Variants in RUFY2 observed in about 807,000 individuals in gnomAD.
RUFY2 encodes RUN and FYVE domain-containing protein 2.
Under a neutral mutation model 94.4 loss-of-function variants are expected in RUFY2, and 49 were observed. The observed-to-expected ratio is 0.52, with a 90% CI of 0.41 to 0.66. The LOEUF (loss-of-function observed/expected upper bound fraction) is 0.66. Among genes scored for constraint, RUFY2 ranks in the 30% least tolerant of loss-of-function variants. RUFY2 has a pLI of 0.00. For missense variants in RUFY2, 541 were observed against 692.8 expected (o/e 0.78, Z 2.46); for synonymous variants, 255 against 235.7 (o/e 1.08, Z -0.75).
intron 3 of RUFY2, among the ~76,000 whole-genome samples, chr10:68,398,114 A>AC (rs2050533701): frequency 7.1e-6 from 1 of 140,512 alleles, no homozygotes; most frequent in African/African-American, 2.8e-5. Flanking sequence ...GCAACAAGGT[A>AC]AGATTTGTTC....
At position 68,379,459 on chromosome 10, in the gene RUFY2, A is replaced by G; in HGVS notation, c.1170T>C (p.Asn390=). The part of the protein sequence containing the change: ...EIIARLEEKT[N]KITAAMRQLE... ...GCTGCCTCATGGCTGCAGTAATTTT[A>G]TTGGTTTTTTCTTCTAGTCGGGCAA... Residue 390 remains asparagine (N), a synonymous_variant, in exon 12 of 18, where the codon AAT becomes AAC. Coordinates refer to ENST00000602465, the MANE Select transcript of RUFY2 (RefSeq NM_001330103.2). 1 of 1,612,826 alleles carries G rather than the reference A, an allele frequency of 6.2e-7. No homozygotes were observed. Among genetic ancestry groups the G allele is most frequent in the Non-Finnish European group, 8.5e-7 (1 of 1,179,568 alleles).
Position 68,396,821 on chromosome 10 carries a change from G to A in RUFY2, c.357C>T (p.Ala119=), listed in dbSNP as rs779088701. Reference sequence around the variant, plus strand: ...GAATAATTAAGCAACGTAAGTAATCGGCCATTTTTTTTTGCATGAGGGCTA... The same window carrying A: ...GAATAATTAAGCAACGTAAGTAATCAGCCATTTTTTTTTGCATGAGGGCTA... ...LRLALMQKKM[A]DYLRCLIIQR... The change falls in exon 4 of 18, where the codon GCC becomes GCT. Residue 119 remains alanine (A), a synonymous_variant. Coordinates refer to ENST00000602465, the MANE Select transcript of RUFY2 (RefSeq NM_001330103.2). The A allele has an allele frequency of 1.7e-5, 28 of 1,613,764 alleles. No homozygotes were observed. The South Asian group carries it at 1.8e-4, about 10-fold the overall frequency.
intron 6 of RUFY2, 150 bp from the exon 7 acceptor site, chr10:68,393,353 T>C (rs1013068779): frequency 1.9e-6 from 1 of 513,486 alleles, no homozygotes; most frequent in Non-Finnish European, 3.4e-6. Context: ...GTAAACTGTG[T>C]ACTAAGTATC....
chr10:68,384,572 T>C (rs1000813679), intron 8 of RUFY2, among the ~76,000 whole-genome samples: 1 of 152,288 alleles, frequency 6.6e-6, no homozygotes, highest in Non-Finnish European at 1.5e-5. Flanking sequence ...TGTGCTATCA[T>C]TGAAAATGTA....
intron 1 of RUFY2, among the ~76,000 whole-genome samples, chr10:68,406,510 G>C (rs550931222): frequency 6.6e-6 from 1 of 152,184 alleles, no homozygotes; most frequent in Non-Finnish European, 1.5e-5. Context: ...GATCGGTGCT[G>C]GGCACCGGCA....
At chr10:68,380,871 CAAAG>C (rs1439117485) in intron 11 of RUFY2, among the ~76,000 whole-genome samples, 1 of 151,726 alleles carries the variant, frequency 6.6e-6, no homozygotes, top group Non-Finnish European at 1.5e-5. Context: ...CAAAAAAAAA[CAAAG>C]AAAGAAAATT....
intron 10 of RUFY2, 52 bp from the exon 11 acceptor site, chr10:68,381,451 T>A (rs778635798): frequency 1.3e-6 from 2 of 1,529,242 alleles, no homozygotes; most frequent in South Asian, 2.4e-5. Context: ...ATGTAAAAAT[T>A]AGATATACTT....
At chr10:68,352,655 G>A (rs974856242) in intron 16 of RUFY2, among the ~76,000 whole-genome samples, 1 of 152,198 alleles carries the variant, frequency 6.6e-6, no homozygotes, top group African/African-American at 2.4e-5. Flanking sequence ...GGGTGGCTGG[G>A]CACGGTGGCT....
At chr10:68,365,869 A>G (rs2047772856) in intron 13 of RUFY2, among the ~76,000 whole-genome samples, 1 of 152,198 alleles carries the variant, frequency 6.6e-6, no homozygotes, top group Non-Finnish European at 1.5e-5. Flanking sequence ...TGTATGTTAC[A>G]AACACTGAAG....
rs917171152 is a variant in RUFY2 at position 68,345,637 on chromosome 10, T to C, written c.*131A>G. 7 of 695,384 alleles carry C rather than the reference T, an allele frequency of 1.0e-5. No individual in the cohort carries two copies. The highest frequency in any genetic ancestry group is 2.7e-4 in the Middle Eastern group (1 of 3,648). The allele number at this position is 695,384 out of a possible 1,614,324, so 43.1% of individuals were successfully genotyped here. A position where few individuals can be genotyped will look rare whatever the true frequency, so the allele number is the denominator to read the frequency against. Reference sequence around the variant, plus strand: ...TAACTTGTAATTTCCATGAGCTGAATATGTAGAAGATAAACTGGTACCAAA... The same window carrying C: ...TAACTTGTAATTTCCATGAGCTGAACATGTAGAAGATAAACTGGTACCAAA... On this transcript the variant is annotated 3_prime_UTR_variant, in exon 18 of 18. Coordinates refer to ENST00000602465, the MANE Select transcript of RUFY2 (RefSeq NM_001330103.2).
At chr10:68,392,750 G>A (rs1213447027) in intron 7 of RUFY2, among the ~76,000 whole-genome samples, 9 of 145,098 alleles carry the variant, frequency 6.2e-5, no homozygotes, top group East Asian at 2.0e-4. Flanking sequence ...GTGAAACCCC[G>A]TCTCTACTAA....
At chr10:68,351,670 A>C (rs2046687305) in intron 16 of RUFY2, among the ~76,000 whole-genome samples, 1 of 149,532 alleles carries the variant, frequency 6.7e-6, no homozygotes, top group Non-Finnish European at 1.5e-5. Flanking sequence ...GGATGGACTC[A>C]ATCTCTTGAT....
chr10:68,359,363 C>CATATACGTATATATGTGTGTAT (rs2047274352), intron 15 of RUFY2, among the ~76,000 whole-genome samples: 2 of 149,258 alleles, frequency 1.3e-5, no homozygotes, highest in Admixed American at 6.7e-5. Flanking sequence ...CATATGTATA[C>CATATACGTATATATGTGTGTAT]ATATACGTAT....
chr10:68,392,814 G>C (rs554495953), intron 7 of RUFY2, among the ~76,000 whole-genome samples: 10 of 150,600 alleles, frequency 6.6e-5, no homozygotes, highest in Middle Eastern at 6.9e-3. Flanking sequence ...TATAGTCCCA[G>C]CTACTCAGGA....
intron 3 of RUFY2, among the ~76,000 whole-genome samples, chr10:68,398,126 CAAAAAAAAAAAAA>C (rs377600173): frequency 1.5e-5 from 1 of 65,052 alleles, no homozygotes; most frequent in Non-Finnish European, 3.4e-5. Flanking sequence ...GATTTGTTCT[CAAAAAAAAAAAAA>C]AAAAAAAAAA....
intron 1 of RUFY2, 38 bp from the exon 2 acceptor site, chr10:68,404,882 G>C (rs2051146428): frequency 1.3e-6 from 2 of 1,484,868 alleles, no homozygotes; most frequent in African/African-American, 2.8e-5. Context: ...TCATTTGTAA[G>C]ACATGACAAT....
rs2051139383 is a variant in RUFY2, at chr10:68,404,783, G to A, written c.66C>T (p.Ile22=). ...TCAGAGCAGATTCAATGAGTCCTTT[G>A]ATACTCAGTTTAGCCATGTTTAACA... ...ANLLNMAKLS[I]KGLIESALSF... is the part of the protein sequence containing the mutation. Residue 22 remains isoleucine, a synonymous_variant, in exon 2 of 18, where the codon ATC becomes ATT. Coordinates refer to ENST00000602465, the MANE Select transcript of RUFY2 (RefSeq NM_001330103.2). 6.2e-7 allele frequency: 1 copy of A among 1,613,310 alleles called. No homozygotes were observed. The highest frequency in any genetic ancestry group is 8.5e-7 in the Non-Finnish European group (1 of 1,179,614).
intron 16 of RUFY2, among the ~76,000 whole-genome samples, chr10:68,353,899 C>A (rs899139605): frequency 1.1e-4 from 17 of 151,956 alleles, no homozygotes; most frequent in African/African-American, 4.1e-4. Flanking sequence ...ACCAGAAAGA[C>A]CAAAATGAGA....
intron 3 of RUFY2, among the ~76,000 whole-genome samples, chr10:68,397,344 G>A (rs1423487706): frequency 6.6e-6 from 1 of 152,114 alleles, no homozygotes; most frequent in Non-Finnish European, 1.5e-5. Flanking sequence ...ACATGGAAAT[G>A]GTAAAGTCAA....
Sources: allele counts gnomAD v4.1 joint callset (sites outside exome capture counted in the v4.1 genomes callset), GRCh38; gene constraint gnomAD v4.1.1; transcripts MANE v1.5; gene names NCBI Gene and HGNC (gene_info 2026-07-23, HGNC 2026-07-21).